C19orf18: variants seen among roughly 807,000 people sequenced by gnomAD.
C19orf18 encodes uncharacterized protein C19orf18.
A neutral mutation model predicts 23.3 loss-of-function variants in C19orf18; 21 were observed. The observed-to-expected ratio is 0.90, with a 90% CI of 0.64 to 1.30. The LOEUF is 1.30. Among genes scored for constraint, C19orf18 ranks in the 50% most tolerant of loss-of-function variants. C19orf18 has a pLI of 0.00. For missense variants in C19orf18, 249 were observed against 259.6 expected (o/e 0.96, Z 0.28); for synonymous variants, 96 against 95.2 (o/e 1.01, Z -0.05).
chr19:57,959,891 A>G (rs1005622769), intron 5 of C19orf18, among the ~76,000 whole-genome samples: 3 of 149,506 alleles, frequency 2.0e-5, no homozygotes, highest in Non-Finnish European at 3.0e-5. Flanking sequence ...GGGTGGATCA[A>G]TTGAGGTCAG....
intron 4 of C19orf18, 102 bp from the exon 5 acceptor site, chr19:57,961,653 T>G (rs1342426475): frequency 7.6e-7 from 1 of 1,315,804 alleles, no homozygotes; most frequent in Non-Finnish European, 1.1e-6. Flanking sequence ...GCTTGTGGAG[T>G]GGGTGCAGAC....
At chr19:57,969,879 CAAA>C (rs71293938) in intron 3 of C19orf18, among the ~76,000 whole-genome samples, 3 of 121,078 alleles carry the variant, frequency 2.5e-5, no homozygotes, top group African/African-American at 3.1e-5. Context: ...AACTCCATCT[CAAA>C]AAAAAAAAAA....
chr19:57,973,101 T>A (rs749228154), intron 2 of C19orf18, among the ~76,000 whole-genome samples: 7 of 122,920 alleles, frequency 5.7e-5, no homozygotes, highest in Non-Finnish European at 9.4e-5. Context: ...GAGCCGAGAT[T>A]GCGCCACTGC....
chr19:57,972,914 G>T (rs2072954715), intron 2 of C19orf18, among the ~76,000 whole-genome samples: 1 of 152,032 alleles, frequency 6.6e-6, no homozygotes. Flanking sequence ...TGTAATCCCA[G>T]CGAGGAAGGC....
At chr19:57,966,316 C>G (rs1475463515) in intron 4 of C19orf18, among the ~76,000 whole-genome samples, 2 of 152,150 alleles carry the variant, frequency 1.3e-5, no homozygotes, top group African/African-American at 4.8e-5. Flanking sequence ...GAATTGTATT[C>G]TGTCCTGTGT....
intron 5 of C19orf18, among the ~76,000 whole-genome samples, chr19:57,959,742 C>T (rs1214822387): frequency 1.3e-5 from 2 of 148,524 alleles, no homozygotes; most frequent in Non-Finnish European, 3.0e-5. Flanking sequence ...CTTCAGTGAG[C>T]TGATATTGCA....
chr19:57,962,627 G>C (rs940631894), intron 4 of C19orf18, among the ~76,000 whole-genome samples: 4 of 152,098 alleles, frequency 2.6e-5, no homozygotes, highest in African/African-American at 9.7e-5. Flanking sequence ...AGGCCGAGGC[G>C]GGCAGATTAC....
At chr19:57,966,261 G>T (rs1370186673) in intron 4 of C19orf18, among the ~76,000 whole-genome samples, 1 of 152,144 alleles carries the variant, frequency 6.6e-6, no homozygotes, top group Non-Finnish European at 1.5e-5. Flanking sequence ...ACAAGCGTGA[G>T]CCACCATGCC....
At chr19:57,969,429 C>G (rs1280232595) in intron 3 of C19orf18, among the ~76,000 whole-genome samples, 2 of 151,274 alleles carry the variant, frequency 1.3e-5, no homozygotes, top group Admixed American at 1.3e-4. Flanking sequence ...GTGGTGCACA[C>G]CTGCAATCCC....
At position 57,974,099 on chromosome 19, in the gene C19orf18, C is replaced by G; in HGVS notation, c.226G>C (p.Ala76Pro). Residue 76 changes from alanine to proline, a missense_variant and splice_region_variant, in exon 2 of 6, where the codon GCT (alanine) becomes CCT (proline). By Grantham distance (27) the Ala-to-Pro change is conservative. Coordinates refer to ENST00000314391, the MANE Select transcript of C19orf18 (RefSeq NM_152474.5). ...GIQGAASRST[A>P]ASPTNPMKFL... ...CTGAATGAGGAATTCAATGACTCAC[C>G]CGTGGATCTCGAGGCAGCCCCTTGA... The G allele has an allele frequency of 6.2e-7, 1 of 1,613,290 alleles. No individual in the cohort carries two copies. Among genetic ancestry groups the G allele is most frequent in the African/African-American group, 1.3e-5 (1 of 75,006 alleles).
At chr19:57,969,566 GAAAAA>G (rs59100128) in intron 3 of C19orf18, among the ~76,000 whole-genome samples, 63 of 46,500 alleles carry the variant, frequency 1.4e-3, no homozygotes, top group African/African-American at 3.0e-3. Flanking sequence ...AAAAAAAACA[GAAAAA>G]AAAAAAAAAA....
At chr19:57,973,445 G>A (rs369845322) in intron 2 of C19orf18, among the ~76,000 whole-genome samples, 56 of 152,180 alleles carry the variant, frequency 3.7e-4, no homozygotes, top group African/African-American at 1.3e-3. Context: ...AGAATTCTCG[G>A]CTGGGCATGG....
At chr19:57,960,067 C>T (rs1279535739) in intron 5 of C19orf18, among the ~76,000 whole-genome samples, 1 of 151,138 alleles carries the variant, frequency 6.6e-6, no homozygotes, top group African/African-American at 2.4e-5. Context: ...CAAGATTTCG[C>T]CACTGCACTA....
At chr19:57,971,020 C>T (rs886347076) in intron 3 of C19orf18, among the ~76,000 whole-genome samples, 1 of 152,104 alleles carries the variant, frequency 6.6e-6, no homozygotes, top group African/African-American at 2.4e-5. Context: ...CCTTTGATAC[C>T]CCAGCCAGGA....
intron 3 of C19orf18, among the ~76,000 whole-genome samples, chr19:57,966,973 C>T (rs191346086): frequency 8.6e-5 from 13 of 151,534 alleles, no homozygotes; most frequent in Non-Finnish European, 1.8e-4. Flanking sequence ...GATTTTGCCA[C>T]GTTGCTCAGG....
Position 57,966,139 on chromosome 19 carries a change from G to A in C19orf18, c.371+391C>T, listed in dbSNP as rs185344285. On this transcript the variant is annotated intron_variant, in intron 4 of 5. Transcript: ENST00000314391. ...ACTACAGGCACCCGCCACCACGCCCGGCTAATTTTTTGTATTTTTAGTAGA... is the reference window on the plus strand; with the variant it reads ...ACTACAGGCACCCGCCACCACGCCCAGCTAATTTTTTGTATTTTTAGTAGA... 2.2e-3 allele frequency among the ~76,000 whole-genome samples: 338 copies of A among 151,980 alleles called. 1 individual carries two copies. The highest frequency in any genetic ancestry group is 7.8e-3 in the African/African-American group (323 of 41,478).
At position 57,974,221 on chromosome 19, in the gene C19orf18, T is replaced by C. The variant is rs952184792; in HGVS notation, c.122-18A>G. On this transcript the variant is annotated intron_variant, in intron 1 of 5. Coordinates refer to ENST00000314391, the MANE Select transcript of C19orf18 (RefSeq NM_152474.5). ...TTTACTGCCTTGAAAAGAAAACTTT[T>C]TGCGGTGAAATGTAATTACCTTCTT... The C allele has an allele frequency of 3.7e-6, 6 of 1,613,576 alleles. No individual in the cohort carries two copies. The highest frequency in any genetic ancestry group is 2.7e-5 in the African/African-American group (2 of 74,826).
chr19:57,972,480 T>G lies in C19orf18; in HGVS notation c.251A>C (p.Lys84Thr), dbSNP rs1411945351. The change falls in exon 3 of 6, where the codon AAA becomes ACA. Residue 84 changes from lysine (K) to threonine (T), a missense_variant. Transcript: ENST00000314391. The stretch of plus-strand genomic sequence containing the variant: ...TGGCTTACCTTTATTCCTCAGGAAT[T>G]TCATGGGGTTCGTAGGGGATGCAGC... The part of the protein sequence containing the change: ...STAASPTNPM[K>T]FLRNKAIIRH... 6.2e-7 allele frequency: 1 copy of G among 1,614,074 alleles called. No individual in the cohort carries two copies. The highest frequency in any genetic ancestry group is 1.1e-5 in the South Asian group (1 of 91,070).
chr19:57,974,094 C>T lies in C19orf18; in HGVS notation c.226+5G>A. Reference sequence around the variant, plus strand: ...CTCCACTGAATGAGGAATTCAATGACTCACCCGTGGATCTCGAGGCAGCCC... The same window carrying T: ...CTCCACTGAATGAGGAATTCAATGATTCACCCGTGGATCTCGAGGCAGCCC... On this transcript the variant is annotated splice_donor_5th_base_variant and intron_variant, in intron 2 of 5. Transcript: ENST00000314391. 2.5e-6 allele frequency: 4 copies of T among 1,612,492 alleles called. No individual in the cohort carries two copies. Among genetic ancestry groups the T allele is most frequent in the Non-Finnish European group, 3.4e-6 (4 of 1,178,522 alleles).
Sources: allele counts gnomAD v4.1 joint callset (sites outside exome capture counted in the v4.1 genomes callset), GRCh38; gene constraint gnomAD v4.1.1; transcripts MANE v1.5; gene names NCBI Gene and HGNC (gene_info 2026-07-23, HGNC 2026-07-21).